The following ULK4 variants were observed in gnomAD, a reference collection of about 807,000 sequenced individuals.
The protein encoded by ULK4 is inactive serine/threonine-protein kinase ULK4.
A neutral mutation model predicts 160.6 loss-of-function variants in ULK4; 133 were observed. The observed-to-expected ratio is 0.83, with a 90% confidence interval of 0.72 to 0.96. The LOEUF is 0.96. Among genes scored for constraint, ULK4 ranks in the 40% least tolerant of loss-of-function variants. The pLI, the probability that ULK4 is intolerant of heterozygous loss-of-function variation, is 0.00. For synonymous variants in ULK4, 534 were observed against 539.8 expected (o/e 0.99, Z 0.15); for missense variants, 1,580 against 1,499.5 (o/e 1.05, Z -0.89).
intron 32 of ULK4, among the ~76,000 whole-genome samples, chr3:41,552,077 T>C (rs2087090222): frequency 6.6e-6 from 1 of 151,796 alleles, no homozygotes; most frequent in South Asian, 2.1e-4. Context: ...TGATAAAAAC[T>C]CTCAACAAAC....
chr3:41,726,790 T>C (rs1220952845), intron 22 of ULK4, among the ~76,000 whole-genome samples: 1 of 152,156 alleles, frequency 6.6e-6, no homozygotes, highest in African/African-American at 2.4e-5. Context: ...TTTGTATTTT[T>C]GTTTTGTTTA....
chr3:41,937,073 C>A (rs1251720723), intron 3 of ULK4: 1 of 416,692 alleles, frequency 2.4e-6, no homozygotes, highest in Non-Finnish European at 4.3e-6. Flanking sequence ...AATATTAATA[C>A]AACAGCCAAA....
intron 35 of ULK4, among the ~76,000 whole-genome samples, chr3:41,381,539 T>C (rs562246275): frequency 6.6e-6 from 1 of 152,324 alleles, no homozygotes; most frequent in East Asian, 1.9e-4. Context: ...AGTGTTGTCT[T>C]AGGCCAAAAT....
At position 41,324,875 on chromosome 3, in the gene ULK4, A is replaced by C. The variant is rs190077147; in HGVS notation, c.3678+73204T>G. ...CTTGTTTTCCAACCAGCGCCTCATG[A>C]TAAACTATGCACATTTCACTCTTGA... On this transcript the variant is annotated intron_variant, in intron 35 of 36. Transcript: ENST00000301831. 2.6e-5 allele frequency among the ~76,000 whole-genome samples: 4 copies of C among 152,302 alleles called. No individual in the cohort carries two copies. In the East Asian group the frequency reaches 7.7e-4, roughly 29 times the overall value.
chr3:41,284,967 A>T (rs572969685), intron 35 of ULK4, among the ~76,000 whole-genome samples: 153 of 152,336 alleles, frequency 1.0e-3, no homozygotes, highest in African/African-American at 3.5e-3. Flanking sequence ...AGATATACAA[A>T]TGGCCAACAA....
intron 32 of ULK4, among the ~76,000 whole-genome samples, chr3:41,521,035 T>C (rs1221488670): frequency 1.3e-5 from 2 of 152,182 alleles, no homozygotes; most frequent in Non-Finnish European, 2.9e-5. Flanking sequence ...TTTCCACTAT[T>C]TTATTCTTCT....
intron 16 of ULK4, among the ~76,000 whole-genome samples, chr3:41,891,858 T>C (rs1021168448): frequency 6.6e-6 from 1 of 152,176 alleles, no homozygotes; most frequent in Non-Finnish European, 1.5e-5. Flanking sequence ...TGAGCTGAGA[T>C]TGTGCCACTG....
At chr3:41,565,603 C>T (rs1454003250) in intron 32 of ULK4, among the ~76,000 whole-genome samples, 1 of 152,212 alleles carries the variant, frequency 6.6e-6, no homozygotes, top group Non-Finnish European at 1.5e-5. Flanking sequence ...TTGGACTCTG[C>T]AAAGAGTCTC....
At chr3:41,775,210 T>A (rs909687437) in intron 21 of ULK4, among the ~76,000 whole-genome samples, 2 of 150,244 alleles carry the variant, frequency 1.3e-5, no homozygotes, top group Admixed American at 1.3e-4. Context: ...ACCCTAAAAG[T>A]ATAATAATAA....
rs200785051 is a variant in ULK4 at position 41,506,764 on chromosome 3, T to TAAAAAAAAAAAAAAAAAAAAAAAAAA, written c.3227-43512_3227-43511insTTTTTTTTTTTTTTTTTTTTTTTTTT. 9.5e-4 allele frequency among the ~76,000 whole-genome samples: 19 copies of TAAAAAAAAAAAAAAAAAAAAAAAAAA among 19,926 alleles called. 2 individuals carry two copies. Among genetic ancestry groups the TAAAAAAAAAAAAAAAAAAAAAAAAAA allele is most frequent in the East Asian group, 1.6e-3 (1 of 614 alleles). 13.1% of individuals were successfully genotyped at this position (19,926 alleles called of 152,430 possible). A position where few individuals can be genotyped will look rare whatever the true frequency, so the allele number is the denominator to read the frequency against. On this transcript the variant is annotated intron_variant, in intron 32 of 36. Coordinates refer to ENST00000301831, the MANE Select transcript of ULK4 (RefSeq NM_017886.4). ...CAAAGCAATACACTGGAGTGTGATT[T>TAAAAAAAAAAAAAAAAAAAAAAAAAA]AAAATATATATATATATATATATAT...
At chr3:41,822,403 T>C (rs2041174925) in intron 18 of ULK4, among the ~76,000 whole-genome samples, 1 of 152,200 alleles carries the variant, frequency 6.6e-6, no homozygotes, top group Non-Finnish European at 1.5e-5. Context: ...TTTGTTTTTC[T>C]TGTTTTTTGT....
chr3:41,899,565 C>T (rs532919909), intron 13 of ULK4, among the ~76,000 whole-genome samples: 1 of 152,182 alleles, frequency 6.6e-6, no homozygotes, highest in Non-Finnish European at 1.5e-5. Context: ...AGTGGCCCAA[C>T]ACAAATTTGT....
At chr3:41,924,204 C>CTCA (rs1216902856) in intron 5 of ULK4, among the ~76,000 whole-genome samples, 1 of 152,244 alleles carries the variant, frequency 6.6e-6, no homozygotes, top group African/African-American at 2.4e-5. Flanking sequence ...TACCCACCTA[C>CTCA]TCAAATATGT....
intron 12 of ULK4, among the ~76,000 whole-genome samples, chr3:41,907,230 A>G (rs1045054191): frequency 2.6e-5 from 4 of 152,106 alleles, no homozygotes; most frequent in African/African-American, 4.8e-5. Flanking sequence ...TGATGAAAGA[A>G]TTCTAAAACT....
intron 30 of ULK4, among the ~76,000 whole-genome samples, chr3:41,661,105 T>C (rs1159546514): frequency 1.3e-5 from 2 of 152,150 alleles, no homozygotes; most frequent in Admixed American, 6.5e-5. Flanking sequence ...CGAAGTAGAA[T>C]TGAAGGTTGA....
At chr3:41,419,319 G>C (rs1391614684) in intron 34 of ULK4, among the ~76,000 whole-genome samples, 2 of 152,114 alleles carry the variant, frequency 1.3e-5, no homozygotes, top group Non-Finnish European at 2.9e-5. Context: ...AACGAGGTCA[G>C]AGAGGAGAGT....
At chr3:41,283,335 GACACATGCAC>G (rs1162735653) in intron 35 of ULK4, among the ~76,000 whole-genome samples, 1 of 152,214 alleles carries the variant, frequency 6.6e-6, no homozygotes, top group East Asian at 1.9e-4. Context: ...CTACTGTAAA[GACACATGCAC>G]ACATATGTTT....
chr3:41,480,865 C>T (rs1274511525), intron 32 of ULK4, among the ~76,000 whole-genome samples: 2 of 152,100 alleles, frequency 1.3e-5, no homozygotes, highest in African/African-American at 4.8e-5. Flanking sequence ...GGTAAGGCCT[C>T]TTATAAAACC....
In ULK4 at chr3:41,721,349, T is replaced by TACATAC. The variant is rs1197814590; in HGVS notation, c.2322-3489_2322-3488insGTATGT. 5.1e-4 allele frequency among the ~76,000 whole-genome samples: 31 copies of TACATAC among 60,696 alleles called. 1 individual carries two copies. The highest frequency in any genetic ancestry group is 2.4e-3 in the African/African-American group (28 of 11,844). 39.8% of individuals were successfully genotyped at this position (60,696 alleles called of 152,430 possible). A position where few individuals can be genotyped will look rare whatever the true frequency, so the allele number is the denominator to read the frequency against. ...TTTAATGTAAATATATATATATATA[T>TACATAC]ATATATATATATATTTTTTTTTTTT... On this transcript the variant is annotated intron_variant, in intron 22 of 36. Transcript: ENST00000301831.
Sources: allele counts gnomAD v4.1 joint callset (sites outside exome capture counted in the v4.1 genomes callset), GRCh38; gene constraint gnomAD v4.1.1; transcripts MANE v1.5; gene names NCBI Gene and HGNC (gene_info 2026-07-23, HGNC 2026-07-21).